URI1: variants seen among roughly 807,000 people sequenced by gnomAD.
The protein encoded by URI1 is unconventional prefoldin RPB5 interactor 1.
A neutral mutation model predicts 60.2 loss-of-function variants in URI1; 39 were observed. The observed-to-expected ratio is 0.65, with a 90% CI of 0.50 to 0.85. The LOEUF (loss-of-function observed/expected upper bound fraction) is 0.85, where lower values mean the gene tolerates loss of function less well. URI1 is among the 40% of genes least tolerant of loss of function. The pLI is 0.00. For missense variants in URI1, 691 were observed against 665.9 expected (o/e 1.04, Z -0.42); for synonymous variants, 251 against 236.8 (o/e 1.06, Z -0.55).
chr19:29,935,507 T>A (rs902844845), intron 1 of URI1, among the ~76,000 whole-genome samples: 14 of 152,180 alleles, frequency 9.2e-5, no homozygotes, highest in Non-Finnish European at 1.6e-4. Context: ...AGTGTTCTTT[T>A]TTTTTCTCAT....
At position 30,015,528 on chromosome 19, in the gene URI1, T is replaced by A. The variant is rs1289677819; in HGVS notation, c.*459T>A. The A allele has an allele frequency of 1.3e-6, 2 of 1,534,314 alleles. No individual in the cohort carries two copies. The highest frequency in any genetic ancestry group is 2.0e-5 in the Admixed American group (1 of 50,788). ...AAGGCACTTTAAAAAAATCTACTTC[T>A]CTTGTAGGTTTTGCGGCTAGTTGGC... On this transcript the variant is annotated 3_prime_UTR_variant, in exon 11 of 11. Coordinates refer to ENST00000392271, the MANE Select transcript of URI1 (RefSeq NM_003796.3).
At chr19:29,944,630 G>A (rs1347153672) in intron 1 of URI1, among the ~76,000 whole-genome samples, 1 of 152,130 alleles carries the variant, frequency 6.6e-6, no homozygotes, top group Non-Finnish European at 1.5e-5. Flanking sequence ...CTGAATGACT[G>A]TTTTCTGTAG....
chr19:29,929,218 C>T (rs1479119153), intron 1 of URI1, among the ~76,000 whole-genome samples: 1 of 152,174 alleles, frequency 6.6e-6, no homozygotes, highest in African/African-American at 2.4e-5. Flanking sequence ...TCCAGAATGG[C>T]TGTACCATTT....
upstream of URI1, among the ~76,000 whole-genome samples, chr19:29,941,715 T>C (rs946917766): frequency 2.6e-5 from 4 of 151,958 alleles, no homozygotes; most frequent in African/African-American, 9.7e-5. Context: ...ATTAGTACAG[T>C]AGCTTAATTT....
intron 1 of URI1, chr19:29,956,721 A>G: frequency 6.4e-7 from 1 of 1,553,350 alleles, no homozygotes; most frequent in Non-Finnish European, 8.9e-7. Context: ...CTCATCTTGT[A>G]ATGGAAGCCC....
At chr19:29,979,940 G>T (rs546646187) in intron 2 of URI1, among the ~76,000 whole-genome samples, 1 of 152,210 alleles carries the variant, frequency 6.6e-6, no homozygotes, top group East Asian at 1.9e-4. Context: ...TTTCCATGAG[G>T]AGTGTTCCTT....
intron 1 of URI1, among the ~76,000 whole-genome samples, chr19:29,930,523 C>T (rs1383213187): frequency 1.3e-4 from 19 of 150,316 alleles, no homozygotes; most frequent in Non-Finnish European, 2.4e-4. Flanking sequence ...TTTTTTTTTC[C>T]TTTTCCATAT....
chr19:29,999,763 C>G (rs1290654158), intron 4 of URI1, among the ~76,000 whole-genome samples: 6 of 151,910 alleles, frequency 3.9e-5, no homozygotes, highest in Non-Finnish European at 8.8e-5. Flanking sequence ...TTTCAAAATA[C>G]AAATTTATGA....
At chr19:29,992,547 T>C (rs1026899294) in intron 4 of URI1, among the ~76,000 whole-genome samples, 2 of 152,240 alleles carry the variant, frequency 1.3e-5, no homozygotes, top group African/African-American at 4.8e-5. Context: ...TTTTAGATTA[T>C]TTAATATTTT....
chr19:29,995,735 T>A (rs1482021044), intron 4 of URI1, among the ~76,000 whole-genome samples: 1 of 152,066 alleles, frequency 6.6e-6, no homozygotes, highest in Non-Finnish European at 1.5e-5. Context: ...GTTTTTTTTT[T>A]TGAGTTTCCT....
chr19:29,962,274 TC>T (rs1479855952), intron 1 of URI1, among the ~76,000 whole-genome samples: 3 of 151,818 alleles, frequency 2.0e-5, no homozygotes, highest in African/African-American at 4.8e-5. Context: ...TTTTTTTTTT[TC>T]CTTCCTTTGG....
chr19:29,942,275 G>A lies in URI1; in HGVS notation c.-273G>A. The stretch of plus-strand genomic sequence containing the variant: ...CGCGGCCGCCACGCGACGCCTGGCT[G>A]GGCCCGCACCGGAGAGGCGTCTCGG... On this transcript the variant is annotated 5_prime_UTR_variant, in exon 1 of 11. Coordinates refer to ENST00000392271, the MANE Select transcript of URI1 (RefSeq NM_003796.3). The A allele has an allele frequency of 9.1e-6, 9 of 984,810 alleles. No homozygotes were observed. The highest frequency in any genetic ancestry group is 1.1e-5 in the Non-Finnish European group (9 of 829,650). 61.0% of individuals were successfully genotyped at this position (984,810 alleles called of 1,614,324 possible).
chr19:29,963,334 CT>C (rs2055349756), intron 1 of URI1, among the ~76,000 whole-genome samples: 1 of 152,014 alleles, frequency 6.6e-6, no homozygotes, highest in African/African-American at 2.4e-5. Flanking sequence ...TTGGTGTTTT[CT>C]TTTGACCTGT....
chr19:29,949,641 A>G (rs918511073), intron 1 of URI1, among the ~76,000 whole-genome samples: 2 of 152,042 alleles, frequency 1.3e-5, no homozygotes, highest in South Asian at 4.2e-4. Context: ...AGTGAACGAG[A>G]CTCCGTCTGC....
At chr19:30,000,637 T>C (rs1015885062) in intron 4 of URI1, among the ~76,000 whole-genome samples, 9 of 152,062 alleles carry the variant, frequency 5.9e-5, no homozygotes, top group Non-Finnish European at 1.3e-4. Flanking sequence ...ATCTTGATGC[T>C]ATTTTCGTTT....
intron 1 of URI1, among the ~76,000 whole-genome samples, chr19:29,961,807 T>G (rs183192770): frequency 1.3e-5 from 2 of 151,964 alleles, no homozygotes; most frequent in Admixed American, 1.3e-4. Context: ...TGCCTCAGCC[T>G]CCCAAGTAGC....
At chr19:29,986,167 C>G (rs2055665234) in intron 3 of URI1, 115 bp from the exon 4 acceptor site, 4 of 1,018,200 alleles carry the variant, frequency 3.9e-6, no homozygotes, top group Non-Finnish European at 5.3e-6. Context: ...TTATTTTTCC[C>G]AATGTATAAA....
At chr19:30,010,662 T>C (rs1482978099) in intron 8 of URI1, among the ~76,000 whole-genome samples, 1 of 152,164 alleles carries the variant, frequency 6.6e-6, no homozygotes, top group Non-Finnish European at 1.5e-5. Context: ...ATTAGAGATG[T>C]TTTAAAAATT....
intron 1 of URI1, among the ~76,000 whole-genome samples, chr19:29,923,910 T>C (rs1326217451): frequency 6.6e-6 from 1 of 152,122 alleles, no homozygotes; most frequent in Non-Finnish European, 1.5e-5. Flanking sequence ...GGCTTTATAA[T>C]GGAGATTGGC....
Sources: allele counts gnomAD v4.1 joint callset (sites outside exome capture counted in the v4.1 genomes callset), GRCh38; gene constraint gnomAD v4.1.1; transcripts MANE v1.5; gene names NCBI Gene and HGNC (gene_info 2026-07-23, HGNC 2026-07-21).